Variants in EPN1 observed in about 807,000 individuals in gnomAD.
EPN1 encodes the protein epsin 1, also known as epsin-1.
EPN1 carries 25 observed loss-of-function variants against 56.9 expected under a neutral mutation model. That is an observed-to-expected ratio of 0.44 (90% CI 0.32 to 0.61). The LOEUF (loss-of-function observed/expected upper bound fraction) is 0.61. Ranked by LOEUF, EPN1 falls within the 20% of genes least tolerant of loss-of-function variation. EPN1 has a pLI of 0.05. For synonymous variants in EPN1, 411 were observed against 361.8 expected, an observed-to-expected ratio of 1.14 and a Z score of -1.54; for missense variants, 785 against 823.7, an observed-to-expected ratio of 0.95 and a Z score of 0.58.
chr19:55,678,778 G>C lies in EPN1; in HGVS notation c.151G>C (p.Val51Leu). 1 of 1,614,168 alleles carries C rather than the reference G, an allele frequency of 6.2e-7. No homozygotes were observed. The highest frequency in any genetic ancestry group is 8.5e-7 in the Non-Finnish European group (1 of 1,180,030). Reference protein sequence around the residue: ...SEIADLTYNVVAFSEIMSMIW... With the variant: ...SEIADLTYNVLAFSEIMSMIW... ...GATTGCCGACCTCACCTACAACGTT[G>C]TCGCCTTCTCGGAGATCATGAGCAT... The change falls in exon 2 of 11, where the codon GTC becomes CTC. Residue 51 changes from valine (V) to leucine (L), a missense_variant. Transcript: ENST00000270460.
intron 2 of EPN1, among the ~76,000 whole-genome samples, 197 bp from the exon 3 acceptor site, chr19:55,685,199 G>A (rs1041909655): frequency 6.6e-6 from 1 of 152,250 alleles, no homozygotes; most frequent in Non-Finnish European, 1.5e-5. Context: ...GCTGGTCCCC[G>A]TCACAGCGTG....
chr19:55,708,949 A>G lies in EPN1; in HGVS notation c.*13593A>G, dbSNP rs756786034. The G allele has an allele frequency of 5.7e-6, 9 of 1,577,122 alleles. 1 individual carries two copies. In the South Asian group the frequency reaches 7.2e-5, roughly 13 times the overall value. On this transcript the variant is annotated 3_prime_UTR_variant, in exon 11 of 11. Transcript: ENST00000270460. ...ACCCCTGATCTTGTATTCCTCGTCA[A>G]TCCAAGGTCCATGTGAAATGGTCAG...
chr19:55,709,056 G>C lies in EPN1; in HGVS notation c.*13700G>C. On this transcript the variant is annotated 3_prime_UTR_variant, in exon 11 of 11. Transcript: ENST00000270460. ...CAGATTTGTGCAGCCTGGGAAAATAGAAATAAAGTTTTTTTTTTTGTTTTT... is the reference window on the plus strand; with the variant it reads ...CAGATTTGTGCAGCCTGGGAAAATACAAATAAAGTTTTTTTTTTTGTTTTT... 1.3e-6 allele frequency: 2 copies of C among 1,549,636 alleles called. No individual in the cohort carries two copies. Among genetic ancestry groups the C allele is most frequent in the African/African-American group, 1.4e-5 (1 of 70,574 alleles).
chr19:55,704,306 C>T lies in EPN1; in HGVS notation c.*8950C>T, dbSNP rs573607775. On this transcript the variant is annotated 3_prime_UTR_variant, in exon 11 of 11. Coordinates refer to ENST00000270460, the MANE Select transcript of EPN1 (RefSeq NM_001130072.2). The stretch of plus-strand genomic sequence containing the variant: ...AGCTCTATGTTGAAACCCTACCCCC[C>T]ACCCTGCACCGACCCCGTACCCCAG... 1.3e-5 allele frequency: 2 copies of T among 152,326 alleles called. No individual in the cohort carries two copies. Among genetic ancestry groups the T allele is most frequent in the African/African-American group, 4.8e-5 (2 of 41,460 alleles). 9.4% of individuals were successfully genotyped at this position (152,326 alleles called of 1,614,324 possible). A position where few individuals can be genotyped will look rare whatever the true frequency, so the allele number is the denominator to read the frequency against.
rs1986954820 is a variant in EPN1, at chr19:55,697,468, A to G, written c.*2112A>G. 1 of 152,210 alleles carries G rather than the reference A, an allele frequency of 6.6e-6. No individual in the cohort carries two copies. 9.4% of individuals were successfully genotyped at this position (152,210 alleles called of 1,614,324 possible). On this transcript the variant is annotated 3_prime_UTR_variant, in exon 11 of 11. Transcript: ENST00000270460. ...TTCAAAAAAGCTGAGGACGAAGATA[A>G]AATGATACAGTTGGATTAGTCCAGT...
Position 55,695,723 on chromosome 19 carries a change from T to C in EPN1, c.*367T>C, listed in dbSNP as rs549014863. 8.5e-5 allele frequency: 19 copies of C among 223,114 alleles called. No individual in the cohort carries two copies. In the South Asian group the frequency reaches 2.5e-3, roughly 29 times the overall value. The allele number at this position is 223,114 out of a possible 1,614,324, so 13.8% of individuals were successfully genotyped here. ...ACCCTCGGTGAATCCTTGGTGATGATTTTGGCAACTTTGGGAATAAATGGC... is the reference window on the plus strand; with the variant it reads ...ACCCTCGGTGAATCCTTGGTGATGACTTTGGCAACTTTGGGAATAAATGGC... On this transcript the variant is annotated 3_prime_UTR_variant, in exon 11 of 11. Transcript: ENST00000270460. The surrounding 1 kb of genome is among the most constrained non-coding windows in gnomAD (Gnocchi z 4.4).
rs950308547 is a variant in EPN1 at position 55,694,611 on chromosome 19, G to A, written c.1265-115G>A. ...CTCTGCACCTCAGTTCCTCCTTCCC[G>A]AGGCCTCTGGGCACCGGGCTCTTTG... On this transcript the variant is annotated intron_variant, in intron 9 of 10. Transcript: ENST00000270460. This position sits in a 1 kb window ranked among gnomAD's most constrained non-coding sequence, Gnocchi z 4.2. 1.7e-5 allele frequency: 22 copies of A among 1,303,576 alleles called. No homozygotes were observed. Among genetic ancestry groups the A allele is most frequent in the South Asian group, 1.3e-4 (7 of 55,588 alleles). 80.8% of individuals were successfully genotyped at this position (1,303,576 alleles called of 1,614,324 possible). A position where few individuals can be genotyped will look rare whatever the true frequency, so the allele number is the denominator to read the frequency against.
chr19:55,691,756 G>A lies in EPN1; in HGVS notation c.765G>A (p.Ser255=), dbSNP rs1195533986. The A allele has an allele frequency of 4.3e-6, 7 of 1,609,950 alleles. No homozygotes were observed. Among genetic ancestry groups the A allele is most frequent in the Non-Finnish European group, 5.9e-6 (7 of 1,177,852 alleles). ...CTTCTCTTCTCTCTCCCCCACAGTC[G>A]TCCCTCATGGACCTTGCTGACGTCT... ...SKRETGGKEE[S]SLMDLADVFT... is the part of the protein sequence containing the mutation. Residue 255 remains serine, a splice_region_variant and synonymous_variant, in exon 7 of 11, where the codon TCG becomes TCA. Transcript: ENST00000270460. The surrounding 1 kb of genome is among the most constrained non-coding windows in gnomAD (Gnocchi z 5.6).
Position 55,701,503 on chromosome 19 carries a change from A to G in EPN1, c.*6147A>G, listed in dbSNP as rs1476085089. On this transcript the variant is annotated 3_prime_UTR_variant, in exon 11 of 11. Transcript: ENST00000270460. ...CTGTATTTTTTTCTCTTAGTATCTT[A>G]AGAAATACATGATTTGAACAAGGAC... 1.3e-5 allele frequency: 2 copies of G among 151,248 alleles called. No homozygotes were observed. Among genetic ancestry groups the G allele is most frequent in the Non-Finnish European group, 3.0e-5 (2 of 67,636 alleles). The allele number at this position is 151,248 out of a possible 1,614,324, so 9.4% of individuals were successfully genotyped here.
chr19:55,700,821 C>T lies in EPN1; in HGVS notation c.*5465C>T, dbSNP rs932882884. 6.6e-6 allele frequency: 1 copy of T among 152,278 alleles called. No homozygotes were observed. Among genetic ancestry groups the T allele is most frequent in the Admixed American group, 6.5e-5 (1 of 15,280 alleles). The allele number at this position is 152,278 out of a possible 1,614,324, so 9.4% of individuals were successfully genotyped here. On this transcript the variant is annotated 3_prime_UTR_variant, in exon 11 of 11. Transcript: ENST00000270460. ...GGGGTAACCCCTACAGCAGTTAACC[C>T]TGCGTGCTCAGAGGGGAATGAAAGG... is the stretch of plus-strand genomic sequence containing the variant.
Position 55,705,882 on chromosome 19 carries a change from A to G in EPN1, c.*10526A>G, listed in dbSNP as rs1161909937. On this transcript the variant is annotated 3_prime_UTR_variant, in exon 11 of 11. Transcript: ENST00000270460. ...TTTAGAGACAAGGTCTTGCTCTATCACTAAAGCTGCATTGCAGTGTGTGAT... is the reference window on the plus strand; with the variant it reads ...TTTAGAGACAAGGTCTTGCTCTATCGCTAAAGCTGCATTGCAGTGTGTGAT... The G allele has an allele frequency of 6.7e-6, 1 of 150,324 alleles. No homozygotes were observed. The highest frequency in any genetic ancestry group is 1.5e-5 in the Non-Finnish European group (1 of 67,718). 9.3% of individuals were successfully genotyped at this position (150,324 alleles called of 1,614,324 possible).
At chr19:55,681,345 A>T (rs901387211) in intron 2 of EPN1, among the ~76,000 whole-genome samples, 3 of 152,196 alleles carry the variant, frequency 2.0e-5, no homozygotes, top group Non-Finnish European at 4.4e-5. Flanking sequence ...GAACTGAGAC[A>T]TAAAGGAGCT....
chr19:55,677,120 A>T, intron 1 of EPN1: 1 of 1,551,038 alleles, frequency 6.4e-7, no homozygotes, highest in Non-Finnish European at 8.7e-7. Context: ...CTGGGCTTAC[A>T]TCATGGCGGG....
At chr19:55,675,933 T>C (rs1262897572) in intron 1 of EPN1, among the ~76,000 whole-genome samples, 1 of 151,896 alleles carries the variant, frequency 6.6e-6, no homozygotes, top group African/African-American at 2.4e-5. Context: ...TTTCCAGGAG[T>C]CTGTTAACTT....
rs1243517009 is a variant in EPN1, at chr19:55,689,773, G to C, written c.679-94G>C. 1.7e-5 allele frequency: 20 copies of C among 1,151,530 alleles called. No individual in the cohort carries two copies. Among genetic ancestry groups the C allele is most frequent in the Non-Finnish European group, 2.4e-5 (19 of 787,586 alleles). 71.3% of individuals were successfully genotyped at this position (1,151,530 alleles called of 1,614,324 possible). A position where few individuals can be genotyped will look rare whatever the true frequency, so the allele number is the denominator to read the frequency against. On this transcript the variant is annotated intron_variant, in intron 5 of 10. Coordinates refer to ENST00000270460, the MANE Select transcript of EPN1 (RefSeq NM_001130072.2). The surrounding 1 kb of genome is among the most constrained non-coding windows in gnomAD (Gnocchi z 5.7). ...TCGAATCCTTCAGCCGCTTTCGTTG[G>C]GGTGGGAGGGGTTGCTGGGGCTTCC...
Position 55,701,562 on chromosome 19 carries a change from T to G in EPN1, c.*6206T>G, listed in dbSNP as rs1300804065. 1 of 152,182 alleles carries G rather than the reference T, an allele frequency of 6.6e-6. No individual in the cohort carries two copies. The highest frequency in any genetic ancestry group is 1.5e-5 in the Non-Finnish European group (1 of 68,034). 9.4% of individuals were successfully genotyped at this position (152,182 alleles called of 1,614,324 possible). On this transcript the variant is annotated 3_prime_UTR_variant, in exon 11 of 11. Transcript: ENST00000270460. ...TCCTCTCCCCTTTCCCGGACTATTC[T>G]GACCCCAGCAGTTCTCAGAAGGAGC...
At position 55,704,461 on chromosome 19, in the gene EPN1, A is replaced by AAGAC. The variant is rs1271246671; in HGVS notation, c.*9108_*9111dup. 1.3e-5 allele frequency: 2 copies of AAGAC among 152,210 alleles called. No individual in the cohort carries two copies. Among genetic ancestry groups the AAGAC allele is most frequent in the Non-Finnish European group, 2.9e-5 (2 of 68,054 alleles). 9.4% of individuals were successfully genotyped at this position (152,210 alleles called of 1,614,324 possible). ...CACCTTCATGTGAGGACGCCGGGAGAAGACAGCCGTCTGGGAGCCAAGGAG... is the reference window on the plus strand; with the variant it reads ...CACCTTCATGTGAGGACGCCGGGAGAAGACAGACAGCCGTCTGGGAGCCAAGGAG... On this transcript the variant is annotated 3_prime_UTR_variant, in exon 11 of 11. Transcript: ENST00000270460.
At position 55,691,638 on chromosome 19, in the gene EPN1, G is replaced by A. The variant is rs936886553; in HGVS notation, c.763-116G>A. The A allele has an allele frequency of 8.4e-6, 7 of 837,646 alleles. No individual in the cohort carries two copies. The Admixed American group carries it at 1.3e-4, about 16-fold the overall frequency. The allele number at this position is 837,646 out of a possible 1,614,324, so 51.9% of individuals were successfully genotyped here. On this transcript the variant is annotated intron_variant, in intron 6 of 10. Coordinates refer to ENST00000270460, the MANE Select transcript of EPN1 (RefSeq NM_001130072.2). The surrounding 1 kb of genome is among the most constrained non-coding windows in gnomAD (Gnocchi z 5.6). Reference sequence around the variant, plus strand: ...GCCTCCCTCTCACCCCTTATGGATGGCTGCTGTCTGGACACCCAGGGCCTG... The same window carrying A: ...GCCTCCCTCTCACCCCTTATGGATGACTGCTGTCTGGACACCCAGGGCCTG...
At chr19:55,690,416 C>T (rs970364259) in intron 6 of EPN1, among the ~76,000 whole-genome samples, 12 of 152,256 alleles carry the variant, frequency 7.9e-5, no homozygotes, top group African/African-American at 2.9e-4. Flanking sequence ...CTGTGGCGTC[C>T]CCATGCTCTG....
Sources: gnomAD v4.1 joint callset for allele counts (sites outside exome capture counted in the v4.1 genomes callset) on GRCh38, gnomAD v4.1.1 for gene constraint, Gnocchi (gnomAD v3.1) non-coding constraint, MANE v1.5 for transcripts, NCBI Gene and HGNC (gene_info 2026-07-23, HGNC 2026-07-21) for gene names.